SLC25A16: variants seen among roughly 807,000 people sequenced by gnomAD.
The protein encoded by SLC25A16 is solute carrier family 25 member 16.
In SLC25A16, 39 loss-of-function variants were observed where a neutral mutation model predicts 41.5. The observed-to-expected ratio is 0.94, with a 90% confidence interval of 0.73 to 1.23. The LOEUF is 1.23. Ranked by LOEUF, SLC25A16 falls within the 50% of genes most tolerant of loss-of-function variation. The pLI is 0.00. For synonymous variants in SLC25A16, 146 were observed against 147.8 expected, an observed-to-expected ratio of 0.99 and a Z score of 0.09; for missense variants, 421 against 426.9, an observed-to-expected ratio of 0.99 and a Z score of 0.12.
intron 2 of SLC25A16, among the ~76,000 whole-genome samples, chr10:68,511,518 CG>C (rs1282870403): frequency 6.6e-6 from 1 of 151,986 alleles, no homozygotes; most frequent in Non-Finnish European, 1.5e-5. Flanking sequence ...CACATCAGCA[CG>C]GGGAGGAGGT....
At chr10:68,525,312 T>C (rs1049585815) in intron 1 of SLC25A16, among the ~76,000 whole-genome samples, 4 of 151,880 alleles carry the variant, frequency 2.6e-5, no homozygotes, top group Non-Finnish European at 5.9e-5. Flanking sequence ...ATTTTTGTAG[T>C]TTTAGTAGAG....
In SLC25A16 at chr10:68,483,047, T is replaced by C. The variant is rs79458978; in HGVS notation, c.*385A>G. On this transcript the variant is annotated 3_prime_UTR_variant, in exon 9 of 9. Transcript: ENST00000609923. ...TTCTATTGCAATATAACCAACCCTGTTTATTTTAATAATAATAAACACTGT... is the reference window on the plus strand; with the variant it reads ...TTCTATTGCAATATAACCAACCCTGCTTATTTTAATAATAATAAACACTGT... The C allele has an allele frequency of 5.3e-3, 821 of 154,804 alleles. 6 individuals carry two copies. Among genetic ancestry groups the C allele is most frequent in the African/African-American group, 0.019 (792 of 41,700 alleles). The allele number at this position is 154,804 out of a possible 1,614,324, so 9.6% of individuals were successfully genotyped here.
rs1480912451 is a variant in SLC25A16 at position 68,480,237 on chromosome 10, T to C, written c.*3195A>G. The C allele has an allele frequency of 3.3e-5, 5 of 152,150 alleles. No individual in the cohort carries two copies. The highest frequency in any genetic ancestry group is 7.3e-5 in the Non-Finnish European group (5 of 68,034). The allele number at this position is 152,150 out of a possible 1,614,324, so 9.4% of individuals were successfully genotyped here. ...AAAATGTCAGTCTTCAAATGGAAGATAACCTGGCAAGATGCACTTTGGGCA... is the reference window on the plus strand; with the variant it reads ...AAAATGTCAGTCTTCAAATGGAAGACAACCTGGCAAGATGCACTTTGGGCA... On this transcript the variant is annotated 3_prime_UTR_variant, in exon 9 of 9. Transcript: ENST00000609923.
At chr10:68,495,781 CA>C (rs60845242) in intron 4 of SLC25A16, among the ~76,000 whole-genome samples, 8,014 of 89,426 alleles carry the variant, frequency 0.09, 267 homozygotes, top group African/African-American at 0.16. Context: ...GACTATGTCT[CA>C]AAAAAAAAAA....
chr10:68,522,191 G>A lies in SLC25A16; in HGVS notation c.130+5055C>T, dbSNP rs74492582. Among the ~76,000 whole-genome samples, 399 of 151,822 alleles carry A rather than the reference G, an allele frequency of 2.6e-3. 4 individuals are homozygous for A. Among genetic ancestry groups the A allele is most frequent in the African/African-American group, 9.1e-3 (376 of 41,438 alleles). On this transcript the variant is annotated intron_variant, in intron 1 of 8. Coordinates refer to ENST00000609923, the MANE Select transcript of SLC25A16 (RefSeq NM_152707.4). ...AAAAAAAAAGAAAAAAGAAAAGAAGGAAATACATTACTTATACGTGCAATG... is the reference window on the plus strand; with the variant it reads ...AAAAAAAAAGAAAAAAGAAAAGAAGAAAATACATTACTTATACGTGCAATG...
intron 3 of SLC25A16, among the ~76,000 whole-genome samples, chr10:68,504,677 C>CTTGTTTT (rs199655424): frequency 2.0e-5 from 3 of 150,320 alleles, no homozygotes; most frequent in African/African-American, 7.4e-5. Flanking sequence ...CGCACCCGGC[C>CTTGTTTT]TTGTTTTTTG....
chr10:68,495,955 G>A (rs1000285636), intron 4 of SLC25A16, among the ~76,000 whole-genome samples: 1 of 152,004 alleles, frequency 6.6e-6, no homozygotes, highest in African/African-American at 2.4e-5. Flanking sequence ...CCAAATCAGG[G>A]TTTTGTAAAG....
At chr10:68,499,611 G>A (rs571220982) in intron 4 of SLC25A16, 2 of 324,606 alleles carry the variant, frequency 6.2e-6, no homozygotes, top group Non-Finnish European at 1.2e-5. Context: ...AACATTAGCA[G>A]GAAGATTATG....
intron 1 of SLC25A16, among the ~76,000 whole-genome samples, chr10:68,524,138 G>A (rs1590132139): frequency 1.3e-5 from 2 of 151,758 alleles, no homozygotes; most frequent in East Asian, 2.0e-4. Flanking sequence ...GTGAAACCCC[G>A]TCTCTACTAA....
rs545383921 is a variant in SLC25A16 at position 68,497,620 on chromosome 10, A to T, written c.422-4050T>A. ...CTTCTAACATCTTTTTTTTTTTTTTAATTTTTTTTTTTCCAAGATGGAGTC... is the reference window on the plus strand; with the variant it reads ...CTTCTAACATCTTTTTTTTTTTTTTTATTTTTTTTTTTCCAAGATGGAGTC... On this transcript the variant is annotated intron_variant, in intron 4 of 8. Transcript: ENST00000609923. Among the ~76,000 whole-genome samples, 892 of 129,318 alleles carry T rather than the reference A, an allele frequency of 6.9e-3. 17 individuals are homozygous for T. Among genetic ancestry groups the T allele is most frequent in the South Asian group, 0.057 (228 of 3,982 alleles). The allele number at this position is 129,318 out of a possible 152,430, so 84.8% of individuals were successfully genotyped here. A position where few individuals can be genotyped will look rare whatever the true frequency, so the allele number is the denominator to read the frequency against.
chr10:68,498,711 A>G (rs963917771), intron 4 of SLC25A16, among the ~76,000 whole-genome samples: 1 of 152,064 alleles, frequency 6.6e-6, no homozygotes, highest in Non-Finnish European at 1.5e-5. Flanking sequence ...AAAGAAAACA[A>G]AAAGTTATTT....
chr10:68,482,613 AT>A lies in SLC25A16; in HGVS notation c.*818del, dbSNP rs1218422962. 6.6e-6 allele frequency: 1 copy of A among 152,330 alleles called. No homozygotes were observed. The highest frequency in any genetic ancestry group is 1.5e-5 in the Non-Finnish European group (1 of 68,040). The allele number at this position is 152,330 out of a possible 1,614,324, so 9.4% of individuals were successfully genotyped here. Reference sequence around the variant, plus strand: ...TTTTTTAAGAGCAAAGATATTCAGTATTTTTATTTCTGCCTCTGGGAAACAC... The same window carrying A: ...TTTTTTAAGAGCAAAGATATTCAGTATTTTATTTCTGCCTCTGGGAAACAC... On this transcript the variant is annotated 3_prime_UTR_variant, in exon 9 of 9. Coordinates refer to ENST00000609923, the MANE Select transcript of SLC25A16 (RefSeq NM_152707.4).
intron 6 of SLC25A16, among the ~76,000 whole-genome samples, chr10:68,492,569 G>A (rs1005566649): frequency 2.0e-5 from 3 of 152,008 alleles, no homozygotes; most frequent in African/African-American, 7.2e-5. Flanking sequence ...GGGAGTTTGA[G>A]ACCAGCCTGA....
chr10:68,493,930 G>A (rs980954326), intron 4 of SLC25A16, among the ~76,000 whole-genome samples: 8 of 152,082 alleles, frequency 5.3e-5, no homozygotes, highest in Non-Finnish European at 8.8e-5. Context: ...CTGATCCATT[G>A]TTTCCACATC....
chr10:68,506,792 AAAGAT>A, intron 2 of SLC25A16, 74 bp from the exon 3 acceptor site: 3 of 854,400 alleles, frequency 3.5e-6, no homozygotes, highest in Non-Finnish European at 1.7e-6. Context: ...AATCACAGAT[AAAGAT>A]TAATGTGCCA....
intron 3 of SLC25A16, among the ~76,000 whole-genome samples, chr10:68,506,348 G>C (rs2052953134): frequency 1.3e-5 from 2 of 152,004 alleles, no homozygotes; most frequent in Admixed American, 6.6e-5. Flanking sequence ...AGGAGGCTGA[G>C]GCAGGAGAAT....
Position 68,483,398 on chromosome 10 carries a change from G to A in SLC25A16, c.*34C>T, listed in dbSNP as rs367914649. ...AGTAATGTTTCATTTCTCCCTCTGAGAATGTATTAAGAAAAACCAACCATA... is the reference window on the plus strand; with the variant it reads ...AGTAATGTTTCATTTCTCCCTCTGAAAATGTATTAAGAAAAACCAACCATA... On this transcript the variant is annotated 3_prime_UTR_variant, in exon 9 of 9. Coordinates refer to ENST00000609923, the MANE Select transcript of SLC25A16 (RefSeq NM_152707.4). 1.8e-5 allele frequency: 25 copies of A among 1,355,632 alleles called. No homozygotes were observed. The highest frequency in any genetic ancestry group is 2.6e-5 in the Non-Finnish European group (25 of 979,188). 84.0% of individuals were successfully genotyped at this position (1,355,632 alleles called of 1,614,324 possible).
intron 4 of SLC25A16, 152 bp from the exon 5 acceptor site, chr10:68,493,722 G>A: frequency 1.5e-6 from 1 of 651,678 alleles, no homozygotes; most frequent in Non-Finnish European, 2.6e-6. Flanking sequence ...CATATCATTA[G>A]ATGGAAAACA....
At position 68,482,374 on chromosome 10, in the gene SLC25A16, AAT is replaced by A. The variant is rs1443736582; in HGVS notation, c.*1056_*1057del. On this transcript the variant is annotated 3_prime_UTR_variant, in exon 9 of 9. Transcript: ENST00000609923. The stretch of plus-strand genomic sequence containing the variant: ...TTCTTACATTTTAAAACATTTTCTT[AAT>A]ATAAAGGATAACAATTCAAATCATA... The A allele has an allele frequency of 3.9e-5, 6 of 152,632 alleles. No individual in the cohort carries two copies. The highest frequency in any genetic ancestry group is 1.3e-4 in the Admixed American group (2 of 15,278). The allele number at this position is 152,632 out of a possible 1,614,324, so 9.5% of individuals were successfully genotyped here.
Sources: allele counts gnomAD v4.1 joint callset (sites outside exome capture counted in the v4.1 genomes callset), GRCh38; gene constraint gnomAD v4.1.1; transcripts MANE v1.5; gene names NCBI Gene and HGNC (gene_info 2026-07-23, HGNC 2026-07-21).